WNT5A: variants seen among roughly 807,000 people sequenced by gnomAD.
WNT5A encodes the protein Wnt family member 5A, also known as protein Wnt-5a.
Under a neutral mutation model 42.1 loss-of-function variants are expected in WNT5A, and 9 were observed. The observed-to-expected ratio is 0.21, with a 90% CI of 0.13 to 0.37. WNT5A has a LOEUF of 0.37. Ranked by LOEUF, WNT5A falls within the 10% of genes least tolerant of loss-of-function variation. WNT5A has a pLI of 1.00. For synonymous variants in WNT5A, 210 were observed against 210.0 expected (o/e 1.00, Z 0.00); for missense variants, 426 against 534.0 (o/e 0.80, Z 1.99).
Position 55,469,886 on chromosome 3 carries a change from G to T in WNT5A, c.*206C>A. 2 of 522,612 alleles carry T rather than the reference G, an allele frequency of 3.8e-6. No individual in the cohort carries two copies. The highest frequency in any genetic ancestry group is 2.9e-5 in the South Asian group (1 of 34,570). The allele number at this position is 522,612 out of a possible 1,614,324, so 32.4% of individuals were successfully genotyped here. A position where few individuals can be genotyped will look rare whatever the true frequency, so the allele number is the denominator to read the frequency against. On this transcript the variant is annotated 3_prime_UTR_variant, in exon 5 of 5. Coordinates refer to ENST00000264634, the MANE Select transcript of WNT5A (RefSeq NM_003392.7). Reference sequence around the variant, plus strand: ...ATCCACAAAATAAATATTTTTCTTGGTTCCCACCCCCATTATTGCCAAATA... The same window carrying T: ...ATCCACAAAATAAATATTTTTCTTGTTTCCCACCCCCATTATTGCCAAATA...
At chr3:55,482,338 C>T (rs1575405303) in intron 1 of WNT5A, among the ~76,000 whole-genome samples, 1 of 152,284 alleles carries the variant, frequency 6.6e-6, no homozygotes, top group East Asian at 1.9e-4. Flanking sequence ...GTGGCGGGTG[C>T]GGGTGGGAGG....
intron 3 of WNT5A, 187 bp downstream of exon 3, chr3:55,479,125 CAA>C (rs916961164): frequency 4.4e-5 from 22 of 496,302 alleles, no homozygotes; most frequent in African/African-American, 4.2e-4. Flanking sequence ...GATTAAAATC[CAA>C]AACTTATCAT....
chr3:55,504,224 A>T, the WNT5A span, among the ~76,000 whole-genome samples: 1,264 of 152,170 alleles, frequency 8.3e-3, 26 homozygotes, highest in African/African-American at 0.029. Context: ...AGCCAAGATC[A>T]TGCCACTGCA....
intron 4 of WNT5A, among the ~76,000 whole-genome samples, chr3:55,472,184 AC>A (rs1378440208): frequency 6.6e-6 from 1 of 152,026 alleles, no homozygotes; most frequent in African/African-American, 2.4e-5. Flanking sequence ...GATCAAATTT[AC>A]CCCAAAAAAA....
At chr3:55,493,885 G>A (rs563163360), upstream of WNT5A, 11 of 152,314 alleles carry the variant, frequency 7.2e-5, no homozygotes, top group East Asian at 1.9e-4. Flanking sequence ...GTTTTCATCC[G>A]AAGAAAGACG....
rs563554210 is a variant in WNT5A, at chr3:55,466,721, A to T, written c.*3371T>A. The T allele has an allele frequency of 6.5e-6, 1 of 152,760 alleles. No homozygotes were observed. The highest frequency in any genetic ancestry group is 2.1e-4 in the South Asian group (1 of 4,828). 9.5% of individuals were successfully genotyped at this position (152,760 alleles called of 1,614,324 possible). ...CAGGATGAGAAGAAAAAATACGCTGACACTGCTAAATCGGGTATATGTTTT... is the reference window on the plus strand; with the variant it reads ...CAGGATGAGAAGAAAAAATACGCTGTCACTGCTAAATCGGGTATATGTTTT... On this transcript the variant is annotated 3_prime_UTR_variant, in exon 5 of 5. Coordinates refer to ENST00000264634, the MANE Select transcript of WNT5A (RefSeq NM_003392.7).
upstream of WNT5A, among the ~76,000 whole-genome samples, chr3:55,491,625 C>A (rs189821059): frequency 8.5e-5 from 13 of 152,322 alleles, no homozygotes; most frequent in East Asian, 2.3e-3. Context: ...ATCTACCCCC[C>A]TTTTATGCCC....
At chr3:55,500,813 G>T in the WNT5A span, among the ~76,000 whole-genome samples, 3 of 152,204 alleles carry the variant, frequency 2.0e-5, no homozygotes, top group African/African-American at 7.2e-5. Flanking sequence ...GTGATGACAA[G>T]TTCTGCTTTC....
At chr3:55,487,666 GACACACACCCCAAC>G (rs1204240496), upstream of WNT5A, 1 of 152,338 alleles carries the variant, frequency 6.6e-6, no homozygotes, top group Non-Finnish European at 1.5e-5. Flanking sequence ...TACACACACA[GACACACACCCCAAC>G]ACACACACCC....
chr3:55,474,296 G>C (rs766839323), intron 4 of WNT5A, 41 bp downstream of exon 4: 10 of 1,610,482 alleles, frequency 6.2e-6, no homozygotes, highest in Non-Finnish European at 6.8e-6. Context: ...GGCAAGGTGA[G>C]AAGACAGAGA....
the WNT5A span, among the ~76,000 whole-genome samples, chr3:55,502,237 T>C: frequency 1.3e-5 from 2 of 152,328 alleles, no homozygotes; most frequent in Non-Finnish European, 2.9e-5. Flanking sequence ...GCTCAATCTG[T>C]TCAATCTTTT....
At chr3:55,500,935 C>T in the WNT5A span, among the ~76,000 whole-genome samples, 1 of 152,088 alleles carries the variant, frequency 6.6e-6, no homozygotes, top group African/African-American at 2.4e-5. Flanking sequence ...CAACCAGAAT[C>T]AAAAAAGAGG....
At chr3:55,503,742 G>A in the WNT5A span, among the ~76,000 whole-genome samples, 1 of 152,202 alleles carries the variant, frequency 6.6e-6, no homozygotes, top group Non-Finnish European at 1.5e-5. Context: ...CTTGAGGCCA[G>A]GAGTTCAAGA....
chr3:55,470,702 A>G lies in WNT5A; in HGVS notation c.685-152T>C, dbSNP rs7622120. 0.59 allele frequency among the ~76,000 whole-genome samples: 89,257 copies of G among 152,162 alleles called. 27,165 individuals are homozygous for G. Among genetic ancestry groups the G allele is most frequent in the African/African-American group, 0.74 (30,869 of 41,500 alleles). On this transcript the variant is annotated intron_variant, in intron 4 of 4. Transcript: ENST00000264634. ...TATTTCCTTCATTACCAGAAGTCTT[A>G]TGTTGCCTTCTTTAAAAATTCTTCC...
At chr3:55,491,777 C>T (rs753469384), upstream of WNT5A, among the ~76,000 whole-genome samples, 64 of 152,230 alleles carry the variant, frequency 4.2e-4, no homozygotes, top group Non-Finnish European at 9.0e-4. Flanking sequence ...GGCAAACAGG[C>T]TCCATCTTCT....
chr3:55,488,271 C>G (rs2107017959), upstream of WNT5A: 1 of 152,376 alleles, frequency 6.6e-6, no homozygotes, highest in East Asian at 1.9e-4. Flanking sequence ...CAGATTTCCA[C>G]GCGATCCTGT....
upstream of WNT5A, among the ~76,000 whole-genome samples, chr3:55,492,844 G>A (rs970170049): frequency 1.3e-5 from 2 of 152,128 alleles, no homozygotes; most frequent in Non-Finnish European, 1.5e-5. Flanking sequence ...GAAAAGGAAG[G>A]TTCAAAGAGG....
chr3:55,475,379 C>T (rs1308422485), intron 3 of WNT5A, among the ~76,000 whole-genome samples: 1 of 152,174 alleles, frequency 6.6e-6, no homozygotes, highest in African/African-American at 2.4e-5. Flanking sequence ...TCATTTTGGC[C>T]TTGTGTCCCC....
intron 1 of WNT5A, among the ~76,000 whole-genome samples, chr3:55,486,458 G>C (rs913504930): frequency 6.6e-6 from 1 of 152,224 alleles, no homozygotes; most frequent in African/African-American, 2.4e-5. Context: ...CGTCGGTGCG[G>C]GGGGGTGTCG....
Sources: gnomAD v4.1 joint callset for allele counts (sites outside exome capture counted in the v4.1 genomes callset) on GRCh38, gnomAD v4.1.1 for gene constraint, MANE v1.5 for transcripts, NCBI Gene and HGNC (gene_info 2026-07-23, HGNC 2026-07-21) for gene names.